TNFAIP6: variants seen among roughly 807,000 people sequenced by gnomAD.
TNFAIP6 encodes TNF alpha induced protein 6.
Under a neutral mutation model 33.7 loss-of-function variants are expected in TNFAIP6, and 36 were observed. The observed-to-expected ratio is 1.07, with a 90% CI of 0.82 to 1.41. TNFAIP6 has a LOEUF of 1.41. Among genes scored for constraint, TNFAIP6 ranks in the 40% most tolerant of loss-of-function variants. TNFAIP6 has a pLI of 0.00. For synonymous variants in TNFAIP6, 113 were observed against 112.8 expected (o/e 1.00, Z -0.01); for missense variants, 273 against 331.9 (o/e 0.82, Z 1.38).
chr2:151,368,203 TG>T (rs1175279023), intron 3 of TNFAIP6: 1 of 153,818 alleles, frequency 6.5e-6, no homozygotes, highest in Non-Finnish European at 1.5e-5. Flanking sequence ...AATTATTTTC[TG>T]TATTTTATCC....
chr2:151,370,270 G>A (rs773238358), intron 4 of TNFAIP6, 22 bp downstream of exon 4: 3 of 1,546,660 alleles, frequency 1.9e-6, no homozygotes, highest in South Asian at 1.1e-5. Context: ...TCCCCATACA[G>A]GAAGTTAAAT....
chr2:151,361,562 C>G (rs956021522), intron 1 of TNFAIP6, among the ~76,000 whole-genome samples: 1 of 152,078 alleles, frequency 6.6e-6, no homozygotes, highest in Non-Finnish European at 1.5e-5. Flanking sequence ...TAACAACAAT[C>G]TCTATTATAA....
At position 151,379,698 on chromosome 2, in the gene TNFAIP6, A is replaced by T. The variant is rs1684981316; in HGVS notation, c.*165A>T. The T allele has an allele frequency of 2.1e-6, 1 of 466,780 alleles. No homozygotes were observed. The allele number at this position is 466,780 out of a possible 1,614,324, so 28.9% of individuals were successfully genotyped here. Reference sequence around the variant, plus strand: ...AAATATAGGAAACTTTAAACGAGAAAATGAAACCTCTCATAATCCCACTGC... The same window carrying T: ...AAATATAGGAAACTTTAAACGAGAATATGAAACCTCTCATAATCCCACTGC... On this transcript the variant is annotated 3_prime_UTR_variant, in exon 6 of 6. Coordinates refer to ENST00000243347, the MANE Select transcript of TNFAIP6 (RefSeq NM_007115.4).
chr2:151,372,683 G>A (rs1684837210), intron 4 of TNFAIP6, among the ~76,000 whole-genome samples: 1 of 152,142 alleles, frequency 6.6e-6, no homozygotes, highest in African/African-American at 2.4e-5. Context: ...ACTTTGGGAG[G>A]CCGAGGCAGT....
chr2:151,368,040 A>T (rs948785997), intron 3 of TNFAIP6, among the ~76,000 whole-genome samples: 1 of 152,120 alleles, frequency 6.6e-6, no homozygotes, highest in African/African-American at 2.4e-5. Flanking sequence ...ATTTTTTCTA[A>T]TCTATTAATA....
intron 2 of TNFAIP6, among the ~76,000 whole-genome samples, chr2:151,365,483 A>G (rs1457449453): frequency 6.6e-6 from 1 of 151,842 alleles, no homozygotes; most frequent in Non-Finnish European, 1.5e-5. Flanking sequence ...TACTAAAAAT[A>G]CAAAAATTAG....
chr2:151,369,160 A>G (rs1295896144), intron 3 of TNFAIP6, among the ~76,000 whole-genome samples: 1 of 152,214 alleles, frequency 6.6e-6, no homozygotes, highest in Non-Finnish European at 1.5e-5. Flanking sequence ...ACTGCACTCC[A>G]GCCTGGGCAA....
intron 3 of TNFAIP6, among the ~76,000 whole-genome samples, chr2:151,368,869 G>T (rs1251067677): frequency 3.3e-5 from 5 of 152,114 alleles, no homozygotes; most frequent in Admixed American, 1.3e-4. Context: ...AGGGCTGTTT[G>T]TAATATAAAT....
intron 2 of TNFAIP6, 63 bp from the exon 3 acceptor site, chr2:151,365,993 G>A: frequency 2.0e-6 from 3 of 1,528,610 alleles, no homozygotes; most frequent in Non-Finnish European, 2.7e-6. Flanking sequence ...TCTTTGCTAA[G>A]ATGACTTTTG....
chr2:151,370,237 C>T lies in TNFAIP6; in HGVS notation c.612C>T (p.Gly204=). ...EIYDSYDDVH[G]FVGRYCGDEL... is the part of the protein sequence containing the mutation. The stretch of plus-strand genomic sequence containing the variant: ...ATGACAGTTACGATGATGTCCATGG[C>T]TTTGTGGGAAGGTACGTATGGGTCC... The change falls in exon 4 of 6, where the codon GGC becomes GGT. Residue 204 remains glycine (G), a synonymous_variant. Transcript: ENST00000243347. 1 of 1,613,478 alleles carries T rather than the reference C, an allele frequency of 6.2e-7. No homozygotes were observed. The highest frequency in any genetic ancestry group is 8.5e-7 in the Non-Finnish European group (1 of 1,179,516).
At chr2:151,362,648 G>A (rs1217485709) in intron 1 of TNFAIP6, among the ~76,000 whole-genome samples, 6 of 151,596 alleles carry the variant, frequency 4.0e-5, no homozygotes, top group African/African-American at 1.5e-4. Flanking sequence ...CTGCCACCAC[G>A]CCTGGCTAAT....
At chr2:151,380,721 T>G (rs13395395), downstream of TNFAIP6, among the ~76,000 whole-genome samples, 11 of 152,264 alleles carry the variant, frequency 7.2e-5, no homozygotes, top group African/African-American at 2.6e-4. Context: ...CAGCTAAAAC[T>G]GGTCTGTTTG....
At chr2:151,360,975 G>A (rs1186437714) in intron 1 of TNFAIP6, among the ~76,000 whole-genome samples, 7 of 152,066 alleles carry the variant, frequency 4.6e-5, no homozygotes, top group Admixed American at 2.6e-4. Flanking sequence ...ATGTACCCCC[G>A]AATTTAAAAT....
intron 1 of TNFAIP6, among the ~76,000 whole-genome samples, chr2:151,360,325 G>A (rs776398398): frequency 8.6e-5 from 13 of 151,948 alleles, no homozygotes; most frequent in Admixed American, 2.0e-4. Context: ...GAAAGGAAAA[G>A]TGACGTATCT....
Position 151,379,528 on chromosome 2 carries a change from T to G in TNFAIP6, c.829T>G (p.Leu277Val). ...CTTTTTAGCTGGAAGATTTAGCCACTTATAAAAAAAAAAAAAAGGATGATC... is the reference window on the plus strand; with the variant it reads ...CTTTTTAGCTGGAAGATTTAGCCACGTATAAAAAAAAAAAAAAGGATGATC... ...KNFLAGRFSH[L>V] The change falls in exon 6 of 6, where the codon TTA (leucine) becomes GTA (valine). Residue 277 changes from leucine (L) to valine (V), a missense_variant. Transcript: ENST00000243347. 6.6e-7 allele frequency: 1 copy of G among 1,505,360 alleles called. No homozygotes were observed. Among genetic ancestry groups the G allele is most frequent in the Non-Finnish European group, 8.8e-7 (1 of 1,132,540 alleles). The allele number at this position is 1,505,360 out of a possible 1,614,324, so 93.3% of individuals were successfully genotyped here.
rs757769788 is a variant in TNFAIP6, at chr2:151,357,779, G to A, written c.94+19G>A. 2.1e-6 allele frequency: 3 copies of A among 1,452,620 alleles called. No individual in the cohort carries two copies. The highest frequency in any genetic ancestry group is 4.5e-5 in the East Asian group (2 of 44,060). The allele number at this position is 1,452,620 out of a possible 1,614,324, so 90.0% of individuals were successfully genotyped here. ...TGGCTTGGTAAGAACCTTCACTCAT[G>A]AGCCTCTTGTTGAGAATGTCAATTC... On this transcript the variant is annotated intron_variant, in intron 1 of 5. Coordinates refer to ENST00000243347, the MANE Select transcript of TNFAIP6 (RefSeq NM_007115.4).
At chr2:151,373,643 TGAAAG>T in intron 5 of TNFAIP6, 54 bp downstream of exon 5, 7 of 1,120,856 alleles carry the variant, frequency 6.2e-6, no homozygotes, top group Non-Finnish European at 8.7e-6. Context: ...ACAGTGTCCC[TGAAAG>T]TAAAGGGACA....
chr2:151,369,103 G>A (rs1366703061), intron 3 of TNFAIP6, among the ~76,000 whole-genome samples: 2 of 152,116 alleles, frequency 1.3e-5, no homozygotes, highest in Non-Finnish European at 2.9e-5. Flanking sequence ...TGAGGCATAA[G>A]AATTTCTTGA....
At chr2:151,376,451 G>A (rs1684909047) in intron 5 of TNFAIP6, among the ~76,000 whole-genome samples, 2 of 149,444 alleles carry the variant, frequency 1.3e-5, no homozygotes, top group South Asian at 2.1e-4. Context: ...GAAAGAACCT[G>A]AAATTGTCCA....
Sources: allele counts gnomAD v4.1 joint callset (sites outside exome capture counted in the v4.1 genomes callset), GRCh38; gene constraint gnomAD v4.1.1; transcripts MANE v1.5; gene names NCBI Gene and HGNC (gene_info 2026-07-23, HGNC 2026-07-21).